The following CELF2 variants were observed in gnomAD, a reference collection of about 807,000 sequenced individuals.
CELF2 encodes CUG triplet repeat RNA-binding protein 2.
A neutral mutation model predicts 62.6 loss-of-function variants in CELF2; 8 were observed. The observed-to-expected ratio is 0.13, with a 90% confidence interval of 0.07 to 0.23. The LOEUF (loss-of-function observed/expected upper bound fraction) is 0.23, where lower values mean the gene tolerates loss of function less well. CELF2 is among the 10% of genes least tolerant of loss of function. CELF2 has a pLI of 1.00. For synonymous variants in CELF2, 258 were observed against 250.0 expected (o/e 1.03, Z -0.30); for missense variants, 333 against 671.0 (o/e 0.50, Z 5.56).
At chr10:10,796,454 G>T (rs1419070449), upstream of CELF2, among the ~76,000 whole-genome samples, 3 of 152,176 alleles carry the variant, frequency 2.0e-5, no homozygotes, top group Non-Finnish European at 4.4e-5. Flanking sequence ...CTTTAAAATG[G>T]TATTTCATAA....
intron 2 of CELF2, among the ~76,000 whole-genome samples, chr10:10,984,790 T>A (rs919462862): frequency 3.9e-5 from 6 of 152,206 alleles, no homozygotes; most frequent in African/African-American, 1.2e-4. Flanking sequence ...TATATGAATA[T>A]AAATTATACC....
chr10:10,814,219 A>G (rs888531945), intron 1 of CELF2, among the ~76,000 whole-genome samples: 1 of 144,468 alleles, frequency 6.9e-6, no homozygotes, highest in African/African-American at 2.5e-5. Flanking sequence ...AGTCCTAAAA[A>G]AAAAAAAAAA....
intron 1 of CELF2, among the ~76,000 whole-genome samples, chr10:11,065,917 G>A (rs1594466489): frequency 6.6e-6 from 1 of 152,170 alleles, no homozygotes; most frequent in Admixed American, 6.5e-5. Context: ...AAGAAAACCA[G>A]GAAGCCACTG....
intron 1 of CELF2, among the ~76,000 whole-genome samples, chr10:10,817,352 G>A (rs577767255): frequency 5.9e-5 from 9 of 152,188 alleles, no homozygotes; most frequent in Admixed American, 2.0e-4. Context: ...ATTTTAAAAC[G>A]TACAATTAAG....
At chr10:10,582,372 C>G in the CELF2 span, among the ~76,000 whole-genome samples, 1 of 151,990 alleles carries the variant, frequency 6.6e-6, no homozygotes, top group African/African-American at 2.4e-5. Flanking sequence ...TTCCTGTCTA[C>G]CTGGGATATC....
At position 11,227,936 on chromosome 10, in the gene CELF2, C is replaced by T. The variant is rs754805118; in HGVS notation, c.354+10429C>T. Among the ~76,000 whole-genome samples the T allele has an allele frequency of 3.9e-5, 6 of 152,082 alleles. No homozygotes were observed. Among genetic ancestry groups the T allele is most frequent in the Non-Finnish European group, 7.4e-5 (5 of 68,020 alleles). ...CTTTGTGTACTCACCAGCACATACA[C>T]GGTATTATTGTTTCCTCAGAAGAGT... On this transcript the variant is annotated intron_variant, in intron 3 of 12. Transcript: ENST00000633077. The surrounding 1 kb of genome is among the most constrained non-coding windows in gnomAD (Gnocchi z 4.8).
At chr10:10,823,807 T>TGGG (rs1232597811) in intron 1 of CELF2, among the ~76,000 whole-genome samples, 1 of 152,220 alleles carries the variant, frequency 6.6e-6, no homozygotes, top group Non-Finnish European at 1.5e-5. Flanking sequence ...AAAGCAAGTA[T>TGGG]TATTCTTATA....
intron 1 of CELF2, among the ~76,000 whole-genome samples, chr10:10,856,909 C>T (rs2059747863): frequency 1.3e-5 from 2 of 152,184 alleles, no homozygotes; most frequent in Admixed American, 1.3e-4. Flanking sequence ...CCATTAACAA[C>T]TAGAAAATTG....
chr10:10,537,441 G>T, the CELF2 span, among the ~76,000 whole-genome samples: 1 of 152,188 alleles, frequency 6.6e-6, no homozygotes, highest in Admixed American at 6.5e-5. Flanking sequence ...CATTTGTTGG[G>T]CCCCAGGGCA....
rs1044884444 is a variant in CELF2 at position 10,983,077 on chromosome 10, C to T, written c.89+63078C>T. On this transcript the variant is annotated intron_variant, in intron 2 of 13. Transcript: ENST00000636488. This position sits in a 1 kb window ranked among gnomAD's most constrained non-coding sequence, Gnocchi z 5.2. ...TACTGACTTGGAGGTTGCATCTTCT[C>T]AATCCGGTAATTAGCTGAAGTGCTA... 3.9e-5 allele frequency among the ~76,000 whole-genome samples: 6 copies of T among 152,070 alleles called. No individual in the cohort carries two copies. Among genetic ancestry groups the T allele is most frequent in the African/African-American group, 1.4e-4 (6 of 41,388 alleles).
At chr10:10,553,568 A>C in the CELF2 span, among the ~76,000 whole-genome samples, 2 of 152,184 alleles carry the variant, frequency 1.3e-5, no homozygotes, top group Admixed American at 6.5e-5. Flanking sequence ...AAAGAGACGA[A>C]GGGAGACAGA....
chr10:10,620,949 C>T, the CELF2 span, among the ~76,000 whole-genome samples: 30 of 133,926 alleles, frequency 2.2e-4, no homozygotes, highest in African/African-American at 6.7e-4. Flanking sequence ...AAAGGCGGAG[C>T]GCGGTGGCTC....
chr10:10,524,739 A>G, the CELF2 span, among the ~76,000 whole-genome samples: 1 of 152,086 alleles, frequency 6.6e-6, no homozygotes, highest in Non-Finnish European at 1.5e-5. Flanking sequence ...TTGATTGAGC[A>G]TGTTCTTTTG....
chr10:11,254,109 A>G (rs925891469), intron 4 of CELF2, among the ~76,000 whole-genome samples: 1 of 152,236 alleles, frequency 6.6e-6, no homozygotes, highest in African/African-American at 2.4e-5. Context: ...AGTGAACTCA[A>G]AATAACTGTG....
chr10:10,973,468 C>T (rs1195277762), intron 2 of CELF2, among the ~76,000 whole-genome samples: 1 of 152,104 alleles, frequency 6.6e-6, no homozygotes, highest in African/African-American at 2.4e-5. Context: ...GCCAGGTTCT[C>T]CTGCAGACCA....
At chr10:10,521,513 C>T in the CELF2 span, among the ~76,000 whole-genome samples, 1 of 152,176 alleles carries the variant, frequency 6.6e-6, no homozygotes. Context: ...ATGTCATGCA[C>T]TAGGCTAAGT....
chr10:11,249,221 C>T lies in CELF2; in HGVS notation c.403+20C>T. ...CCAACGGTAGGTGGTAACCAACTGT[C>T]TTGCTTAATAATAATATCTGCTGCT... On this transcript the variant is annotated intron_variant, in intron 4 of 12. Transcript: ENST00000633077. 1 of 1,594,974 alleles carries T rather than the reference C, an allele frequency of 6.3e-7. No homozygotes were observed. Among genetic ancestry groups the T allele is most frequent in the African/African-American group, 1.3e-5 (1 of 74,636 alleles).
At chr10:10,684,693 G>A in the CELF2 span, among the ~76,000 whole-genome samples, 97 of 152,206 alleles carry the variant, frequency 6.4e-4, no homozygotes, top group African/African-American at 2.2e-3. Context: ...GCAGTGAGTC[G>A]AGATTACATG....
At chr10:11,022,280 C>T (rs1280088043) in intron 1 of CELF2, among the ~76,000 whole-genome samples, 1 of 152,126 alleles carries the variant, frequency 6.6e-6, no homozygotes, top group Non-Finnish European at 1.5e-5. Flanking sequence ...AAGAATTCAT[C>T]CCACATTGGC....
Sources: allele counts gnomAD v4.1 joint callset (sites outside exome capture counted in the v4.1 genomes callset), GRCh38; gene constraint gnomAD v4.1.1; non-coding constraint Gnocchi (gnomAD v3.1); transcripts MANE v1.5; gene names NCBI Gene and HGNC (gene_info 2026-07-23, HGNC 2026-07-21).